MTUS1: variants seen among roughly 807,000 people sequenced by gnomAD.
MTUS1 encodes the protein microtubule associated scaffold protein 1, also known as microtubule-associated tumor suppressor 1.
In MTUS1, 109 loss-of-function variants were observed where a neutral mutation model predicts 120.8. The observed-to-expected ratio is 0.90, with a 90% CI of 0.77 to 1.06. The LOEUF is 1.06. Among genes scored for constraint, MTUS1 ranks in the 50% least tolerant of loss-of-function variants. MTUS1 has a pLI of 0.00. For missense variants in MTUS1, 2,210 were observed against 1,486.3 expected, an observed-to-expected ratio of 1.49 and a Z score of -8.01; for synonymous variants, 737 against 550.5, an observed-to-expected ratio of 1.34 and a Z score of -4.74.
Position 17,654,959 on chromosome 8 carries a change from G to A in MTUS1, c.3109-293C>T, listed in dbSNP as rs191674450. The A allele has an allele frequency of 1.5e-3, 502 of 336,262 alleles. 1 individual carries two copies. The highest frequency in any genetic ancestry group is 1.5e-3 in the African/African-American group (75 of 48,624). The allele number at this position is 336,262 out of a possible 1,614,324, so 20.8% of individuals were successfully genotyped here. On this transcript the variant is annotated intron_variant, in intron 9 of 14. Transcript: ENST00000693296. The stretch of plus-strand genomic sequence containing the variant: ...ACACAAAGAATGCATGAAGAGCAAC[G>A]CAACTGGGATTCACCGCTCAACTCT...
At chr8:17,729,984 C>CAAA (rs36018422) in intron 3 of MTUS1, among the ~76,000 whole-genome samples, 7 of 85,770 alleles carry the variant, frequency 8.2e-5, no homozygotes, top group Non-Finnish European at 1.2e-4. Context: ...ATGCTATCAT[C>CAAA]AAAAAAAAAA....
At position 17,754,279 on chromosome 8, in the gene MTUS1, A is replaced by T; in HGVS notation, c.1529T>A (p.Val510Asp). 1 of 1,613,966 alleles carries T rather than the reference A, an allele frequency of 6.2e-7. No homozygotes were observed. The highest frequency in any genetic ancestry group is 8.5e-7 in the Non-Finnish European group (1 of 1,179,978). Reference sequence around the variant, plus strand: ...TGCTCTAGACATAACTTTTGCTTTGACATTCTTGAAGTTTGGTCTTGGGTA... The same window carrying T: ...TGCTCTAGACATAACTTTTGCTTTGTCATTCTTGAAGTTTGGTCTTGGGTA... ...ISYPRPNFKN[V>D]KAKVMSRAVL... is the part of the protein sequence containing the mutation. The change falls in exon 2 of 15, where the codon GTC becomes GAC. Residue 510 changes from valine (V) to aspartate (D), a missense_variant. By Grantham distance (152) the Val-to-Asp change is radical. Transcript: ENST00000693296.
At chr8:17,652,454 G>A (rs182131864) in intron 12 of MTUS1, among the ~76,000 whole-genome samples, 1 of 152,184 alleles carries the variant, frequency 6.6e-6, no homozygotes, top group Non-Finnish European at 1.5e-5. Flanking sequence ...AATCCATAGA[G>A]ATAGAAAGTA....
chr8:17,774,312 T>A (rs1346566182), intron 1 of MTUS1, among the ~76,000 whole-genome samples: 1 of 152,234 alleles, frequency 6.6e-6, no homozygotes, highest in African/African-American at 2.4e-5. Flanking sequence ...GTTAGGACTT[T>A]GTTTCCATGT....
chr8:17,785,181 T>A (rs923447977), intron 1 of MTUS1, among the ~76,000 whole-genome samples: 1 of 151,882 alleles, frequency 6.6e-6, no homozygotes, highest in Non-Finnish European at 1.5e-5. Context: ...CTGAACAAGA[T>A]GGTCCCAGCC....
chr8:17,692,346 G>C (rs1817112680), intron 6 of MTUS1: 1 of 152,036 alleles, frequency 6.6e-6, no homozygotes. Flanking sequence ...CTTCCTTCCT[G>C]GAGCAGCTAC....
At chr8:17,655,625 G>T (rs911884146) in intron 9 of MTUS1, among the ~76,000 whole-genome samples, 1 of 152,146 alleles carries the variant, frequency 6.6e-6, no homozygotes, top group Admixed American at 6.5e-5. Context: ...TCAGGAGGTT[G>T]AGGAAGGAGA....
At chr8:17,759,951 G>C (rs2131372232) in intron 1 of MTUS1, among the ~76,000 whole-genome samples, 1 of 151,708 alleles carries the variant, frequency 6.6e-6, no homozygotes, top group East Asian at 1.9e-4. Context: ...GCTCATGCCT[G>C]TAATCTCAGC....
chr8:17,757,204 T>C (rs1008574508), intron 1 of MTUS1, among the ~76,000 whole-genome samples: 14 of 152,182 alleles, frequency 9.2e-5, no homozygotes, highest in African/African-American at 3.4e-4. Flanking sequence ...TGACAAAATA[T>C]TCCTCAGCAA....
At position 17,755,136 on chromosome 8, in the gene MTUS1, A is replaced by G. The variant is rs755612864; in HGVS notation, c.672T>C (p.Asp224=). The G allele has an allele frequency of 1.9e-6, 3 of 1,613,984 alleles. No individual in the cohort carries two copies. Among genetic ancestry groups the G allele is most frequent in the African/African-American group, 2.7e-5 (2 of 74,922 alleles). ...DKTHARETTY[D]RESFENPQVT... ...CTTGAGGGTTTTCAAAGCTTTCTCTATCATAAGTAGTTTCTCTTGCATGCG... is the reference window on the plus strand; with the variant it reads ...CTTGAGGGTTTTCAAAGCTTTCTCTGTCATAAGTAGTTTCTCTTGCATGCG... Residue 224 remains aspartate, a synonymous_variant, in exon 2 of 15, where the codon GAT becomes GAC. Coordinates refer to ENST00000693296, the MANE Select transcript of MTUS1 (RefSeq NM_001363059.2).
intron 6 of MTUS1, among the ~76,000 whole-genome samples, chr8:17,690,037 C>T (rs1356850959): frequency 6.6e-6 from 1 of 152,052 alleles, no homozygotes; most frequent in African/African-American, 2.4e-5. Context: ...GGGACTTAAA[C>T]TAAAAAGGTT....
chr8:17,747,237 CTA>C (rs2047830869), intron 2 of MTUS1, among the ~76,000 whole-genome samples: 1 of 146,686 alleles, frequency 6.8e-6, no homozygotes, highest in African/African-American at 2.6e-5. Flanking sequence ...CCACACCTAC[CTA>C]GAGTCCCCTA....
intron 1 of MTUS1, among the ~76,000 whole-genome samples, chr8:17,796,162 G>A (rs1260145074): frequency 4.7e-5 from 2 of 43,000 alleles, no homozygotes; most frequent in African/African-American, 1.8e-4. Context: ...TGTTGGCCAG[G>A]GTAGTCTAGA....
chr8:17,663,609 T>TGTTTTGTTTTGTTTTGTTTTG lies in MTUS1; in HGVS notation c.2906-7545_2906-7544insCAAAACAAAACAAAACAAAAC, dbSNP rs11463390. On this transcript the variant is annotated intron_variant, in intron 8 of 14. Coordinates refer to ENST00000693296, the MANE Select transcript of MTUS1 (RefSeq NM_001363059.2). Reference sequence around the variant, plus strand: ...CTTTTTGTTTTGTTTTGTTTTGTTTTTTTTGAGACAGAGGCTTCCTCTATC... The same window carrying TGTTTTGTTTTGTTTTGTTTTG: ...CTTTTTGTTTTGTTTTGTTTTGTTTTGTTTTGTTTTGTTTTGTTTTGTTTTGAGACAGAGGCTTCCTCTATC... 4.0e-5 allele frequency among the ~76,000 whole-genome samples: 6 copies of TGTTTTGTTTTGTTTTGTTTTG among 151,282 alleles called. No individual in the cohort carries two copies. The South Asian group carries it at 6.2e-4, about 16-fold the overall frequency.
chr8:17,654,243 T>C (rs917077418), intron 10 of MTUS1: 126 of 366,044 alleles, frequency 3.4e-4, no homozygotes, highest in Non-Finnish European at 5.3e-4. Flanking sequence ...TCCTTTACTG[T>C]GGATTACAAG....
At chr8:17,785,399 G>A (rs2051223219) in intron 1 of MTUS1, among the ~76,000 whole-genome samples, 1 of 152,188 alleles carries the variant, frequency 6.6e-6, no homozygotes, top group Admixed American at 6.5e-5. Context: ...AGGCAGGTGA[G>A]TGCTTCTCAG....
intron 8 of MTUS1, among the ~76,000 whole-genome samples, chr8:17,666,765 C>G (rs766807235): frequency 2.0e-5 from 3 of 152,204 alleles, no homozygotes; most frequent in Non-Finnish European, 4.4e-5. Context: ...AACACAACAT[C>G]TTTTTAGAAG....
At chr8:17,659,652 C>T (rs1249401186) in intron 8 of MTUS1, among the ~76,000 whole-genome samples, 7 of 152,038 alleles carry the variant, frequency 4.6e-5, no homozygotes, top group Non-Finnish European at 7.4e-5. Context: ...GAGCCAAGAT[C>T]GCACTACCGC....
chr8:17,645,750 C>G lies in MTUS1; in HGVS notation c.*176G>C. ...GAATCTTTTGGACGGAGGCAAAAGTCTTCCTCCAGAGTTCCAGTCTCAGAA... is the reference window on the plus strand; with the variant it reads ...GAATCTTTTGGACGGAGGCAAAAGTGTTCCTCCAGAGTTCCAGTCTCAGAA... On this transcript the variant is annotated 3_prime_UTR_variant, in exon 15 of 15. Transcript: ENST00000693296. The G allele has an allele frequency of 3.9e-6, 3 of 765,948 alleles. No individual in the cohort carries two copies. The highest frequency in any genetic ancestry group is 5.7e-6 in the Non-Finnish European group (3 of 524,628). The allele number at this position is 765,948 out of a possible 1,614,324, so 47.4% of individuals were successfully genotyped here.
Sources: gnomAD v4.1 joint callset for allele counts (sites outside exome capture counted in the v4.1 genomes callset) on GRCh38, gnomAD v4.1.1 for gene constraint, MANE v1.5 for transcripts, NCBI Gene and HGNC (gene_info 2026-07-23, HGNC 2026-07-21) for gene names.